Variants in AXDND1 observed in about 807,000 individuals in gnomAD.
The protein encoded by AXDND1 is axonemal dynein light chain domain-containing protein 1.
Under a neutral mutation model 137.5 loss-of-function variants are expected in AXDND1, and 110 were observed. The observed-to-expected ratio is 0.80, with a 90% confidence interval of 0.69 to 0.94. The LOEUF is 0.94. AXDND1 is among the 40% of genes least tolerant of loss of function. The pLI, the probability that AXDND1 is intolerant of heterozygous loss-of-function variation, is 0.00. For synonymous variants in AXDND1, 414 were observed against 399.7 expected (o/e 1.04, Z -0.43); for missense variants, 1,191 against 1,169.8 (o/e 1.02, Z -0.26).
chr1:179,414,411 C>CTTTA (rs80339851), intron 12 of AXDND1, among the ~76,000 whole-genome samples: 46 of 149,264 alleles, frequency 3.1e-4, no homozygotes, highest in East Asian at 6.0e-4. Flanking sequence ...CCAAATTAAT[C>CTTTA]TTTATTTATT....
intron 17 of AXDND1, among the ~76,000 whole-genome samples, chr1:179,474,208 C>T (rs1664326397): frequency 6.9e-6 from 1 of 145,248 alleles, no homozygotes; most frequent in African/African-American, 2.5e-5. Context: ...CAGAGCAAGA[C>T]TCCACCTCAA....
intron 4 of AXDND1, among the ~76,000 whole-genome samples, chr1:179,376,446 C>A (rs4072452): frequency 0.33 from 50,628 of 151,934 alleles, 8,933 homozygotes; most frequent in Middle Eastern, 0.45. Context: ...ATAAGCAGAC[C>A]CATACAGTTC....
intron 25 of AXDND1, chr1:179,548,637 C>G (rs1369292732): frequency 6.6e-6 from 1 of 152,222 alleles, no homozygotes; most frequent in Non-Finnish European, 1.5e-5. Context: ...TGCCAAAGAA[C>G]ATTGTAGTGG....
intron 12 of AXDND1, among the ~76,000 whole-genome samples, chr1:179,414,150 T>C (rs72717591): frequency 0.046 from 6,919 of 151,920 alleles, 232 homozygotes; most frequent in Non-Finnish European, 0.069. Context: ...AAACATTATT[T>C]GAATTATTTA....
rs747135097 is a variant in AXDND1, at chr1:179,468,591, G to T, written c.1947G>T (p.Leu649Phe). ...AAATGAAATCACACTTGGATATATT[G>T]TTAAACCTTACTGGTATTGTTCCAC... is the stretch of plus-strand genomic sequence containing the variant. ...INEMKSHLDILLNLTGIVPQH... is the reference protein window; with the variant it reads ...INEMKSHLDIFLNLTGIVPQH... Residue 649 changes from leucine (L) to phenylalanine (F), a missense_variant, in exon 17 of 26, where the codon TTG (leucine) becomes TTT (phenylalanine). Leu to Phe is a conservative substitution (Grantham distance 22). Transcript: ENST00000367618. The T allele has an allele frequency of 1.2e-6, 2 of 1,612,548 alleles. No individual in the cohort carries two copies. The highest frequency in any genetic ancestry group is 2.7e-5 in the African/African-American group (2 of 74,870).
At chr1:179,395,390 G>A (rs1571627499) in intron 11 of AXDND1, among the ~76,000 whole-genome samples, 188 bp downstream of exon 11, 1 of 152,064 alleles carries the variant, frequency 6.6e-6, no homozygotes, top group South Asian at 2.1e-4. Context: ...TTTTTCTCTT[G>A]GAGATAGACC....
At chr1:179,446,455 G>C (rs989394029) in intron 16 of AXDND1, among the ~76,000 whole-genome samples, 2 of 152,240 alleles carry the variant, frequency 1.3e-5, no homozygotes, top group East Asian at 3.9e-4. Context: ...TTAGGGATTC[G>C]GTGAAGAATG....
At chr1:179,381,055 T>G (rs1648204533) in intron 6 of AXDND1, among the ~76,000 whole-genome samples, 1 of 24,386 alleles carries the variant, frequency 4.1e-5, no homozygotes, top group Admixed American at 4.8e-4. Context: ...TTTTTTTTTC[T>G]TTGAGACGGA....
intron 17 of AXDND1, chr1:179,468,843 G>A: frequency 2.7e-6 from 1 of 367,886 alleles, no homozygotes. Context: ...CTATCATTCT[G>A]CAATCCTTCA....
chr1:179,404,928 T>A (rs1652701232), intron 11 of AXDND1, among the ~76,000 whole-genome samples: 1 of 152,078 alleles, frequency 6.6e-6, no homozygotes, highest in Admixed American at 6.6e-5. Flanking sequence ...AATTATACTT[T>A]AAGTTCTGAG....
chr1:179,494,539 G>T lies in AXDND1; in HGVS notation c.2388+1588G>T, dbSNP rs1346381454. On this transcript the variant is annotated intron_variant, in intron 20 of 25. Coordinates refer to ENST00000367618, the MANE Select transcript of AXDND1 (RefSeq NM_144696.6). The stretch of plus-strand genomic sequence containing the variant: ...AATATCTTCTCTCAGTCTGTGATTT[G>T]TCTTTTTTTTTTTTTCCTAAGATAG... Among the ~76,000 whole-genome samples, 7 of 96,176 alleles carry T rather than the reference G, an allele frequency of 7.3e-5. No individual in the cohort carries two copies. The East Asian group carries it at 2.8e-3, about 39-fold the overall frequency. 63.1% of individuals were successfully genotyped at this position (96,176 alleles called of 152,430 possible).
chr1:179,517,071 C>T (rs1292946595), intron 21 of AXDND1, among the ~76,000 whole-genome samples: 1 of 152,120 alleles, frequency 6.6e-6, no homozygotes, highest in East Asian at 1.9e-4. Context: ...GCTACCAGGT[C>T]GGGGCAGGGC....
intron 18 of AXDND1, among the ~76,000 whole-genome samples, chr1:179,485,133 C>T (rs921010669): frequency 6.6e-6 from 1 of 152,220 alleles, no homozygotes; most frequent in African/African-American, 2.4e-5. Context: ...TGCACTGCCA[C>T]CACTGCAAAT....
chr1:179,375,215 C>T (rs1272776632), intron 4 of AXDND1, among the ~76,000 whole-genome samples: 1 of 151,814 alleles, frequency 6.6e-6, no homozygotes, highest in African/African-American at 2.4e-5. Flanking sequence ...TCTCCTGCCT[C>T]AGCCTCCCGA....
At chr1:179,435,460 C>G (rs1016569028) in intron 15 of AXDND1, among the ~76,000 whole-genome samples, 3 of 152,108 alleles carry the variant, frequency 2.0e-5, no homozygotes, top group Non-Finnish European at 4.4e-5. Context: ...ATGACAGTAA[C>G]CAAAACGTCA....
At chr1:179,527,109 G>C (rs1417359942) in intron 22 of AXDND1, among the ~76,000 whole-genome samples, 1 of 152,214 alleles carries the variant, frequency 6.6e-6, no homozygotes, top group African/African-American at 2.4e-5. Flanking sequence ...TCCATAGACA[G>C]AGTAGCCTTA....
At chr1:179,449,714 GT>G (rs1238672552) in intron 16 of AXDND1, 2 of 151,734 alleles carry the variant, frequency 1.3e-5, no homozygotes, top group African/African-American at 4.8e-5. Flanking sequence ...TTTCTGAGGA[GT>G]TTTATATTTC....
At chr1:179,371,984 T>C (rs10798672) in intron 4 of AXDND1, among the ~76,000 whole-genome samples, 132,597 of 152,208 alleles carry the variant, frequency 0.87, 57,839 homozygotes, top group East Asian at 0.9. Context: ...GTCCTGCCAA[T>C]GCCTTGATTT....
intron 11 of AXDND1, among the ~76,000 whole-genome samples, chr1:179,409,820 A>G (rs1229771615): frequency 1.3e-5 from 2 of 152,204 alleles, no homozygotes; most frequent in Non-Finnish European, 2.9e-5. Flanking sequence ...TTTCAAAACA[A>G]CAAAAAACGA....
Sources: gnomAD v4.1 joint callset for allele counts (sites outside exome capture counted in the v4.1 genomes callset) on GRCh38, gnomAD v4.1.1 for gene constraint, MANE v1.5 for transcripts, NCBI Gene and HGNC (gene_info 2026-07-23, HGNC 2026-07-21) for gene names.